Variants in ROCK1 observed in about 807,000 individuals in gnomAD.
ROCK1 encodes the protein rho-associated protein kinase 1.
ROCK1 carries 36 observed loss-of-function variants against 196.8 expected under a neutral mutation model. The ratio of observed to expected loss-of-function variants is 0.18; its 90% CI spans 0.14 to 0.24. ROCK1 has a LOEUF of 0.24. Ranked by LOEUF, ROCK1 falls within the 10% of genes least tolerant of loss-of-function variation. The pLI is 1.00. For synonymous variants in ROCK1, 443 were observed against 515.9 expected (o/e 0.86, Z 1.91); for missense variants, 920 against 1,562.0 (o/e 0.59, Z 6.93).
rs141519934 is a variant in ROCK1 at position 21,044,732 on chromosome 18, T to C, written c.591-546A>G. The stretch of plus-strand genomic sequence containing the variant: ...ACTCCTGGCACATACCTTAGAAAAC[T>C]AGTTTACAAGTTTTACTTTTCAGAA... On this transcript the variant is annotated intron_variant, in intron 5 of 32. Transcript: ENST00000399799. Among the ~76,000 whole-genome samples the C allele has an allele frequency of 7.0e-4, 107 of 152,324 alleles. No individual in the cohort carries two copies. In the Middle Eastern group the frequency reaches 0.01, roughly 15 times the overall value.
At chr18:21,019,755 G>A (rs1324288780) in intron 12 of ROCK1, among the ~76,000 whole-genome samples, 1 of 150,876 alleles carries the variant, frequency 6.6e-6, no homozygotes, top group Non-Finnish European at 1.5e-5. Context: ...CCAAGATCGT[G>A]CCACTGCACT....
intron 2 of ROCK1, among the ~76,000 whole-genome samples, chr18:21,068,942 G>A (rs2036360252): frequency 6.6e-6 from 1 of 152,058 alleles, no homozygotes; most frequent in African/African-American, 2.4e-5. Context: ...TTTTCAATCT[G>A]TACGGCTTTT....
chr18:21,073,207 T>C (rs1371065362), intron 1 of ROCK1, among the ~76,000 whole-genome samples: 1 of 151,862 alleles, frequency 6.6e-6, no homozygotes, highest in Non-Finnish European at 1.5e-5. Flanking sequence ...AGACCAGTTG[T>C]AGCAGTTACA....
chr18:21,039,690 T>C (rs746684098), intron 8 of ROCK1, 127 bp from the exon 9 acceptor site: 2 of 645,152 alleles, frequency 3.1e-6, no homozygotes, highest in African/African-American at 1.8e-5. Flanking sequence ...GGTGAAATTA[T>C]ATTGTCAGCA....
chr18:21,092,472 T>A (rs866284175), intron 1 of ROCK1, among the ~76,000 whole-genome samples: 1 of 150,480 alleles, frequency 6.6e-6, no homozygotes, highest in Admixed American at 6.7e-5. Context: ...TAGTCCCAGC[T>A]ACTCGGGAGG....
At chr18:20,989,781 G>C (rs1298495129) in intron 18 of ROCK1, among the ~76,000 whole-genome samples, 2 of 152,116 alleles carry the variant, frequency 1.3e-5, no homozygotes, top group Non-Finnish European at 2.9e-5. Context: ...TAAAGAATAG[G>C]ATAGATTGAC....
chr18:21,023,546 C>T (rs2035931782), intron 11 of ROCK1, 74 bp downstream of exon 11: 1 of 762,914 alleles, frequency 1.3e-6, no homozygotes. Flanking sequence ...TATAAATTTA[C>T]TATCATACCC....
Position 20,955,123 on chromosome 18 carries a change from G to C in ROCK1, c.3591+44C>G, listed in dbSNP as rs56387551. On this transcript the variant is annotated intron_variant, in intron 30 of 32. Coordinates refer to ENST00000399799, the MANE Select transcript of ROCK1 (RefSeq NM_005406.3). ...TATTTTACATTTACTTCACAAAAAC[G>C]CTTAGGACTTAGATTCTTTAAAATT... 2.0e-3 allele frequency: 3,088 copies of C among 1,524,350 alleles called. 39 individuals carry two copies. In the African/African-American group the frequency reaches 0.037, roughly 18 times the overall value. The allele number at this position is 1,524,350 out of a possible 1,614,324, so 94.4% of individuals were successfully genotyped here.
chr18:21,086,872 T>C (rs542558771), intron 1 of ROCK1, among the ~76,000 whole-genome samples: 6 of 151,260 alleles, frequency 4.0e-5, no homozygotes, highest in African/African-American at 1.5e-4. Context: ...TAGAAGACGA[T>C]GAAAGAAATA....
At chr18:21,063,882 C>T (rs2036312338) in intron 2 of ROCK1, among the ~76,000 whole-genome samples, 1 of 152,154 alleles carries the variant, frequency 6.6e-6, no homozygotes, top group Non-Finnish European at 1.5e-5. Flanking sequence ...TATAACCAGA[C>T]CATTTACCTA....
Position 21,049,883 on chromosome 18 carries a change from G to A in ROCK1, c.176-3C>T, listed in dbSNP as rs764364348. 1 of 1,504,278 alleles carries A rather than the reference G, an allele frequency of 6.6e-7. No homozygotes were observed. The highest frequency in any genetic ancestry group is 2.3e-5 in the East Asian group (1 of 42,690). 93.2% of individuals were successfully genotyped at this position (1,504,278 alleles called of 1,614,324 possible). On this transcript the variant is annotated splice_polypyrimidine_tract_variant and splice_region_variant and intron_variant, in intron 2 of 32. Transcript: ENST00000399799. Reference sequence around the variant, plus strand: ...GATTTTATTTATTGTGTCTTTATCTGTATGAAAAGAAAAGTTTATCATTTT... The same window carrying A: ...GATTTTATTTATTGTGTCTTTATCTATATGAAAAGAAAAGTTTATCATTTT...
At chr18:20,960,963 T>G (rs1191482939) in intron 27 of ROCK1, among the ~76,000 whole-genome samples, 1 of 152,164 alleles carries the variant, frequency 6.6e-6, no homozygotes, top group Non-Finnish European at 1.5e-5. Context: ...CAGAATCCAT[T>G]TGGTCTACTG....
At chr18:21,041,967 T>C (rs951484702) in intron 8 of ROCK1, 130 bp downstream of exon 8, 11 of 806,066 alleles carry the variant, frequency 1.4e-5, no homozygotes, top group East Asian at 5.8e-5. Flanking sequence ...TATCATAAAA[T>C]TACATCAGGT....
intron 22 of ROCK1, among the ~76,000 whole-genome samples, chr18:20,977,328 C>T (rs1422677443): frequency 6.6e-6 from 1 of 152,224 alleles, no homozygotes; most frequent in East Asian, 1.9e-4. Flanking sequence ...CCTTTGTAAT[C>T]TGACTCAGTT....
chr18:21,058,052 A>C (rs1443425375), intron 2 of ROCK1, among the ~76,000 whole-genome samples: 5 of 152,174 alleles, frequency 3.3e-5, no homozygotes, highest in African/African-American at 1.2e-4. Flanking sequence ...TCAGCATATA[A>C]TGTTGTGCAA....
At chr18:21,023,569 T>G in intron 11 of ROCK1, 51 bp downstream of exon 11, 2 of 990,366 alleles carry the variant, frequency 2.0e-6, no homozygotes, top group Non-Finnish European at 1.5e-6. Context: ...AAATATATTA[T>G]CCACAAAACA....
intron 22 of ROCK1, among the ~76,000 whole-genome samples, chr18:20,977,511 T>A (rs2035491614): frequency 6.6e-6 from 1 of 152,240 alleles, no homozygotes; most frequent in South Asian, 2.1e-4. Flanking sequence ...CATGGTAAGA[T>A]GAGGTATCCT....
intron 2 of ROCK1, among the ~76,000 whole-genome samples, chr18:21,057,535 A>G (rs1416559510): frequency 6.6e-6 from 1 of 152,250 alleles, no homozygotes; most frequent in Non-Finnish European, 1.5e-5. Flanking sequence ...ACTGTTTTAA[A>G]AATTGGCCAG....
chr18:21,070,899 A>C (rs955340283), intron 1 of ROCK1, among the ~76,000 whole-genome samples: 1 of 152,130 alleles, frequency 6.6e-6, no homozygotes, highest in Non-Finnish European at 1.5e-5. Flanking sequence ...AAGGACATGA[A>C]ATTTTATTTT....
Sources: gnomAD v4.1 joint callset for allele counts (sites outside exome capture counted in the v4.1 genomes callset) on GRCh38, gnomAD v4.1.1 for gene constraint, MANE v1.5 for transcripts, NCBI Gene and HGNC (gene_info 2026-07-23, HGNC 2026-07-21) for gene names.